Variants in DYNC2H1 observed in about 807,000 individuals in gnomAD.
DYNC2H1 encodes dynein cytoplasmic 2 heavy chain 1.
In DYNC2H1, 410 loss-of-function variants were observed where a neutral mutation model predicts 570.0. That is an observed-to-expected ratio of 0.72 (90% CI 0.66 to 0.78). The LOEUF is 0.78. Among genes scored for constraint, DYNC2H1 ranks in the 30% least tolerant of loss-of-function variants. DYNC2H1 has a pLI of 0.00. For synonymous variants in DYNC2H1, 1,688 were observed against 1,677.6 expected, an observed-to-expected ratio of 1.01 and a Z score of -0.15; for missense variants, 4,865 against 5,046.4, an observed-to-expected ratio of 0.96 and a Z score of 1.09.
At position 103,170,928 on chromosome 11, in the gene DYNC2H1, G is replaced by C; in HGVS notation, c.5194G>C (p.Val1732Leu). 1.9e-6 allele frequency: 3 copies of C among 1,594,350 alleles called. No homozygotes were observed. Among genetic ancestry groups the C allele is most frequent in the Non-Finnish European group, 2.6e-6 (3 of 1,167,254 alleles). ...AATGGGACGAATATTTGTTGGTTTG[G>C]TGAAGTGTGGGGCCTGGGGTTGTTT... ...KSMGRIFVGL[V>L]KCGAWGCFDE... The change falls in exon 34 of 89, where the codon GTG (valine) becomes CTG (leucine). Residue 1732 changes from valine to leucine, a missense_variant. By Grantham distance (32) the Val-to-Leu change is conservative. Coordinates refer to ENST00000375735, the MANE Select transcript of DYNC2H1 (RefSeq NM_001377.3). The surrounding 1 kb of genome is among the most constrained non-coding windows in gnomAD (Gnocchi z 4.8).
At chr11:103,140,553 G>A (rs898033849) in intron 17 of DYNC2H1, among the ~76,000 whole-genome samples, 4 of 152,142 alleles carry the variant, frequency 2.6e-5, no homozygotes, top group Admixed American at 6.5e-5. Flanking sequence ...CTCTCTTCTG[G>A]CTTGTAGAGT....
rs916649663 is a variant in DYNC2H1 at position 103,249,917 on chromosome 11, C to T, written c.10043-3368C>T. Among the ~76,000 whole-genome samples, 1 of 152,026 alleles carries T rather than the reference C, an allele frequency of 6.6e-6. No individual in the cohort carries two copies. Among genetic ancestry groups the T allele is most frequent in the African/African-American group, 2.4e-5 (1 of 41,432 alleles). On this transcript the variant is annotated intron_variant, in intron 65 of 88. Coordinates refer to ENST00000375735, the MANE Select transcript of DYNC2H1 (RefSeq NM_001377.3). This position sits in a 1 kb window ranked among gnomAD's most constrained non-coding sequence, Gnocchi z 4.6. ...GCTCTTTCTGATCACACCCAATTCC[C>T]AGGAAAAGTACATTTTTCTTGAATT...
At chr11:103,374,336 G>T (rs11225754) in intron 83 of DYNC2H1, among the ~76,000 whole-genome samples, 4 of 152,092 alleles carry the variant, frequency 2.6e-5, no homozygotes, top group African/African-American at 9.7e-5. Flanking sequence ...TCCCCTGCTG[G>T]CACTTATTCT....
At chr11:103,464,669 C>G (rs61904821) in intron 87 of DYNC2H1, among the ~76,000 whole-genome samples, 24,818 of 152,024 alleles carry the variant, frequency 0.16, 2,189 homozygotes, top group Admixed American at 0.25. Flanking sequence ...ATAATATATT[C>G]AAATTGATGA....
Position 103,158,824 on chromosome 11 carries a change from A to G in DYNC2H1, c.4260+15A>G, listed in dbSNP as rs979271779. On this transcript the variant is annotated intron_variant, in intron 27 of 88. Coordinates refer to ENST00000375735, the MANE Select transcript of DYNC2H1 (RefSeq NM_001377.3). ...AATTTTTGGAGGCATGTTTTTTAAG[A>G]AAAAAATATATAATAAATTGTAAAG... The G allele has an allele frequency of 5.4e-5, 79 of 1,452,630 alleles. No individual in the cohort carries two copies. The highest frequency in any genetic ancestry group is 6.7e-5 in the Non-Finnish European group (73 of 1,084,774). 90.0% of individuals were successfully genotyped at this position (1,452,630 alleles called of 1,614,324 possible). A position where few individuals can be genotyped will look rare whatever the true frequency, so the allele number is the denominator to read the frequency against.
At chr11:103,314,808 A>G (rs1425450117) in intron 79 of DYNC2H1, among the ~76,000 whole-genome samples, 2 of 151,986 alleles carry the variant, frequency 1.3e-5, no homozygotes, top group Non-Finnish European at 2.9e-5. Context: ...TGTCATAGGT[A>G]TATATATTAA....
chr11:103,136,196 T>A (rs12787999), intron 17 of DYNC2H1, among the ~76,000 whole-genome samples: 1 of 150,702 alleles, frequency 6.6e-6, no homozygotes, highest in African/African-American at 2.4e-5. Context: ...TTTTTTTTGG[T>A]TTTTTATTTT....
chr11:103,168,904 C>T lies in DYNC2H1; in HGVS notation c.4912C>T (p.His1638Tyr). Reference protein sequence around the residue: ...KQLRFYMKSDHTCCVQMVDSE... With the variant: ...KQLRFYMKSDYTCCVQMVDSE... ...ACTTAGATTCTATATGAAAAGTGATCATACATGTTGTGTTCAAATGGTGGA... is the reference window on the plus strand; with the variant it reads ...ACTTAGATTCTATATGAAAAGTGATTATACATGTTGTGTTCAAATGGTGGA... The change falls in exon 32 of 89, where the codon CAT (histidine) becomes TAT (tyrosine). Residue 1638 changes from histidine (H) to tyrosine (Y), a missense_variant. Transcript: ENST00000375735. 1 of 1,612,906 alleles carries T rather than the reference C, an allele frequency of 6.2e-7. No homozygotes were observed. Among genetic ancestry groups the T allele is most frequent in the Non-Finnish European group, 8.5e-7 (1 of 1,179,424 alleles).
chr11:103,169,324 T>C (rs1861472103), intron 32 of DYNC2H1, among the ~76,000 whole-genome samples: 1 of 152,174 alleles, frequency 6.6e-6, no homozygotes, highest in Non-Finnish European at 1.5e-5. Context: ...ATTAGTGTTA[T>C]TTTAAATATG....
chr11:103,450,088 C>G (rs1944548122), intron 85 of DYNC2H1, among the ~76,000 whole-genome samples: 1 of 152,082 alleles, frequency 6.6e-6, no homozygotes, highest in African/African-American at 2.4e-5. Context: ...GGTGTCCCAG[C>G]AAAGTTACTA....
At chr11:103,397,944 TG>T (rs1443219077) in intron 83 of DYNC2H1, among the ~76,000 whole-genome samples, 1 of 152,216 alleles carries the variant, frequency 6.6e-6, no homozygotes, top group African/African-American at 2.4e-5. Context: ...TTTCTTGGAT[TG>T]TAGATAAATG....
intron 83 of DYNC2H1, among the ~76,000 whole-genome samples, chr11:103,361,510 C>G (rs978114115): frequency 2.0e-5 from 3 of 152,032 alleles, no homozygotes; most frequent in African/African-American, 7.2e-5. Flanking sequence ...AATTTTATTC[C>G]AAGTGCAATG....
chr11:103,255,297 G>T, intron 66 of DYNC2H1, 118 bp from the exon 67 acceptor site: 1 of 1,116,562 alleles, frequency 9.0e-7, no homozygotes, highest in South Asian at 1.6e-5. Context: ...AGAATGAAAT[G>T]AGATAACATA....
At chr11:103,190,097 TATCTTCTTTCCC>T (rs1862234274) in intron 45 of DYNC2H1, among the ~76,000 whole-genome samples, 1 of 152,204 alleles carries the variant, frequency 6.6e-6, no homozygotes, top group Non-Finnish European at 1.5e-5. Context: ...GAATTGAGTT[TATCTTCTTTCCC>T]AAAACAGATC....
rs1178954063 is a variant in DYNC2H1, at chr11:103,363,770, G to A, written c.12156+5411G>A. Among the ~76,000 whole-genome samples the A allele has an allele frequency of 1.3e-5, 2 of 152,174 alleles. No individual in the cohort carries two copies. Among genetic ancestry groups the A allele is most frequent in the Admixed American group, 6.5e-5 (1 of 15,278 alleles). ...ATTTAAGGCATCCAAAAGTGTTATT[G>A]TAGCTGATTTAGTGTGCATTCTCTG... On this transcript the variant is annotated intron_variant, in intron 83 of 88. Coordinates refer to ENST00000375735, the MANE Select transcript of DYNC2H1 (RefSeq NM_001377.3). This position sits in a 1 kb window ranked among gnomAD's most constrained non-coding sequence, Gnocchi z 5.6.
In DYNC2H1 at chr11:103,219,943, A is replaced by C; in HGVS notation, c.8861A>C (p.Glu2954Ala). 1 of 1,522,164 alleles carries C rather than the reference A, an allele frequency of 6.6e-7. No individual in the cohort carries two copies. Among genetic ancestry groups the C allele is most frequent in the Non-Finnish European group, 8.7e-7 (1 of 1,142,892 alleles). The allele number at this position is 1,522,164 out of a possible 1,614,324, so 94.3% of individuals were successfully genotyped here. Reference protein sequence around the residue: ...QDASEQKTELERLKHRIAEEV... With the variant: ...QDASEQKTELARLKHRIAEEV... Reference sequence around the variant, plus strand: ...GCTAGTGAGCAAAAAACAGAACTTGAAAGACTGAAGCACAGAATAGCAGAA... The same window carrying C: ...GCTAGTGAGCAAAAAACAGAACTTGCAAGACTGAAGCACAGAATAGCAGAA... The change falls in exon 56 of 89, where the codon GAA becomes GCA. Residue 2954 changes from glutamate (E) to alanine (A), a missense_variant. Glu to Ala is a moderately radical substitution (Grantham distance 107, BLOSUM62 -1). Transcript: ENST00000375735.
In DYNC2H1 at chr11:103,411,384, T is replaced by A. The variant is rs11225780; in HGVS notation, c.12366+11512T>A. 6.2e-4 allele frequency among the ~76,000 whole-genome samples: 95 copies of A among 152,090 alleles called. 2 individuals carry two copies. The East Asian group carries it at 0.016, about 26-fold the overall frequency. ...TGTGCTTATTGTATAAAATGGAGGC[T>A]TTGTTTAGTAGGGTTTTCAGATTGT... On this transcript the variant is annotated intron_variant, in intron 84 of 88. Coordinates refer to ENST00000375735, the MANE Select transcript of DYNC2H1 (RefSeq NM_001377.3).
At position 103,403,477 on chromosome 11, in the gene DYNC2H1, G is replaced by T. The variant is rs1275396853; in HGVS notation, c.12366+3605G>T. 4 of 152,178 alleles carry T rather than the reference G, an allele frequency of 2.6e-5. No homozygotes were observed. In the East Asian group the frequency reaches 7.7e-4, roughly 29 times the overall value. The allele number at this position is 152,178 out of a possible 1,614,324, so 9.4% of individuals were successfully genotyped here. A position where few individuals can be genotyped will look rare whatever the true frequency, so the allele number is the denominator to read the frequency against. On this transcript the variant is annotated intron_variant, in intron 84 of 88. Transcript: ENST00000375735. ...CTTTAACTTAAAAGGTTAAAGCTAA[G>T]TAGCTTTACAGTGATATTATAGTGT...
rs1865968228 is a variant in DYNC2H1, at chr11:103,277,712, T to TA, written c.10696-2635dup. ...TCTAAAGCAAGCTTGCCTCGACTCT[T>TA]ACCAGGTAACCTAGTGACATCATGA... is the stretch of plus-strand genomic sequence containing the variant. On this transcript the variant is annotated intron_variant, in intron 70 of 88. Transcript: ENST00000375735. The surrounding 1 kb of genome is among the most constrained non-coding windows in gnomAD (Gnocchi z 4.3). 6.6e-6 allele frequency among the ~76,000 whole-genome samples: 1 copy of TA among 152,192 alleles called. No individual in the cohort carries two copies. The highest frequency in any genetic ancestry group is 2.4e-5 in the African/African-American group (1 of 41,444).
Sources: allele counts gnomAD v4.1 joint callset (sites outside exome capture counted in the v4.1 genomes callset), GRCh38; gene constraint gnomAD v4.1.1; non-coding constraint Gnocchi (gnomAD v3.1); transcripts MANE v1.5; gene names NCBI Gene and HGNC (gene_info 2026-07-23, HGNC 2026-07-21).